The following KCNK9 variants were observed in gnomAD, a reference collection of about 807,000 sequenced individuals.
The protein encoded by KCNK9 is potassium channel subfamily K member 9.
In KCNK9, 1 loss-of-function variant was observed where a neutral mutation model predicts 10.8. The observed-to-expected ratio is 0.09, with a 90% CI of 0.03 to 0.44. KCNK9 has a LOEUF of 0.44. KCNK9 is among the 20% of genes least tolerant of loss of function. The pLI is 0.97. For synonymous variants in KCNK9, 231 were observed against 222.7 expected (o/e 1.04, Z -0.33); for missense variants, 303 against 515.0 (o/e 0.59, Z 3.98).
At chr8:139,647,321 AG>A (rs1212100188) in intron 1 of KCNK9, among the ~76,000 whole-genome samples, 2 of 152,206 alleles carry the variant, frequency 1.3e-5, no homozygotes, top group African/African-American at 4.8e-5. Flanking sequence ...ATCTTCATTC[AG>A]CCATTCAACA....
intron 1 of KCNK9, among the ~76,000 whole-genome samples, chr8:139,676,806 G>A (rs1427067888): frequency 6.6e-6 from 1 of 152,112 alleles, no homozygotes; most frequent in Non-Finnish European, 1.5e-5. Context: ...AAAAAAATTA[G>A]CTGAGTGTGG....
At chr8:139,632,765 T>C (rs1014943950) in intron 1 of KCNK9, among the ~76,000 whole-genome samples, 49 of 152,074 alleles carry the variant, frequency 3.2e-4, no homozygotes, top group Non-Finnish European at 3.1e-4. Context: ...AGTGACCAGC[T>C]AGAGCAGAGC....
intron 1 of KCNK9, among the ~76,000 whole-genome samples, chr8:139,658,469 C>T (rs554779529): frequency 1.3e-5 from 2 of 152,322 alleles, no homozygotes; most frequent in Admixed American, 6.5e-5. Flanking sequence ...ACACGGGTCA[C>T]GCCTGACTTC....
At chr8:139,697,347 TTGGATGGATGGATGGA>T (rs75812728) in intron 1 of KCNK9, among the ~76,000 whole-genome samples, 143 of 143,786 alleles carry the variant, frequency 9.9e-4, no homozygotes, top group African/African-American at 3.0e-3. Context: ...GAGTGGATGG[TTGGATGGATGGATGGA>T]TGGATGGATG....
intron 1 of KCNK9, among the ~76,000 whole-genome samples, chr8:139,682,400 G>C (rs1816709277): frequency 6.6e-6 from 1 of 152,202 alleles, no homozygotes; most frequent in Non-Finnish European, 1.5e-5. Flanking sequence ...GGAAAGAGCT[G>C]AGCACGACAC....
In KCNK9 at chr8:139,687,517, C is replaced by CATATATTCATATATATGTATACAT. The variant is rs1386536443; in HGVS notation, c.283+15192_283+15193insATGTATACATATATATGAATATAT. On this transcript the variant is annotated intron_variant, in intron 1 of 1. Coordinates refer to ENST00000520439, the MANE Select transcript of KCNK9 (RefSeq NM_001282534.2). ...ACATATATACATATATATGTATACA[C>CATATATTCATATATATGTATACAT]ATATATTCATATATATGTATACACA... 9.4e-5 allele frequency among the ~76,000 whole-genome samples: 12 copies of CATATATTCATATATATGTATACAT among 127,052 alleles called. 2 individuals carry two copies. The highest frequency in any genetic ancestry group is 3.7e-4 in the African/African-American group (12 of 32,380). 83.4% of individuals were successfully genotyped at this position (127,052 alleles called of 152,430 possible). A position where few individuals can be genotyped will look rare whatever the true frequency, so the allele number is the denominator to read the frequency against.
At chr8:139,637,303 C>A (rs373225459) in intron 1 of KCNK9, among the ~76,000 whole-genome samples, 1 of 152,228 alleles carries the variant, frequency 6.6e-6, no homozygotes, top group Admixed American at 6.5e-5. Flanking sequence ...TTAAGGACAT[C>A]TGTCCAGTCA....
At chr8:139,634,849 C>G (rs997840734) in intron 1 of KCNK9, among the ~76,000 whole-genome samples, 3 of 152,142 alleles carry the variant, frequency 2.0e-5, no homozygotes, top group Non-Finnish European at 2.9e-5. Flanking sequence ...TGAGAGCCTC[C>G]GTGAGGGGAC....
intron 1 of KCNK9, among the ~76,000 whole-genome samples, chr8:139,672,710 C>G (rs1038418880): frequency 4.6e-5 from 7 of 152,198 alleles, no homozygotes; most frequent in African/African-American, 1.2e-4. Context: ...AGGCTTGGGG[C>G]CAAGAACTGG....
chr8:139,665,290 C>T (rs1297026661), intron 1 of KCNK9, among the ~76,000 whole-genome samples: 1 of 152,174 alleles, frequency 6.6e-6, no homozygotes, highest in Middle Eastern at 3.2e-3. Flanking sequence ...TGGCCCCTTC[C>T]CCTGTCTTCA....
intron 1 of KCNK9, among the ~76,000 whole-genome samples, chr8:139,620,048 C>A (rs1027134356): frequency 3.9e-5 from 6 of 152,188 alleles, no homozygotes; most frequent in Non-Finnish European, 8.8e-5. Context: ...TATTTCCTCA[C>A]ATTCGAAATG....
In KCNK9 at chr8:139,702,622, C is replaced by T. The variant is rs1030656712; in HGVS notation, c.283+88G>A. The T allele has an allele frequency of 2.9e-6, 4 of 1,386,070 alleles. No individual in the cohort carries two copies. The highest frequency in any genetic ancestry group is 1.4e-5 in the African/African-American group (1 of 69,808). 85.9% of individuals were successfully genotyped at this position (1,386,070 alleles called of 1,614,324 possible). On this transcript the variant is annotated intron_variant, in intron 1 of 1. Coordinates refer to ENST00000520439, the MANE Select transcript of KCNK9 (RefSeq NM_001282534.2). The surrounding 1 kb of genome is among the most constrained non-coding windows in gnomAD (Gnocchi z 7.5). ...GGGAGGCTGCGTTTAACCCTCGACGCCCTGCACCCAGCCCGGCGCGGCGCG... is the reference window on the plus strand; with the variant it reads ...GGGAGGCTGCGTTTAACCCTCGACGTCCTGCACCCAGCCCGGCGCGGCGCG...
downstream of KCNK9, among the ~76,000 whole-genome samples, chr8:139,609,246 ACC>A (rs1220786453): frequency 1.0e-4 from 10 of 98,048 alleles, no homozygotes; most frequent in African/African-American, 3.6e-4. Flanking sequence ...CTGCCCCCCC[ACC>A]CCCCCCCCAC....
At chr8:139,638,554 G>T (rs1815404274) in intron 1 of KCNK9, among the ~76,000 whole-genome samples, 1 of 152,192 alleles carries the variant, frequency 6.6e-6, no homozygotes, top group Admixed American at 6.5e-5. Flanking sequence ...TGAGGAGAGG[G>T]GCACACGGGC....
At chr8:139,680,625 A>G (rs1816667536) in intron 1 of KCNK9, among the ~76,000 whole-genome samples, 1 of 152,106 alleles carries the variant, frequency 6.6e-6, no homozygotes, top group Non-Finnish European at 1.5e-5. Flanking sequence ...GTGAGTGCTC[A>G]TGGCGTTGGG....
At chr8:139,645,037 C>T (rs1815632384) in intron 1 of KCNK9, among the ~76,000 whole-genome samples, 1 of 152,216 alleles carries the variant, frequency 6.6e-6, no homozygotes, top group South Asian at 2.1e-4. Context: ...TGGTGTCAGA[C>T]CCACGCACGG....
intron 1 of KCNK9, among the ~76,000 whole-genome samples, chr8:139,674,614 G>A (rs1332376126): frequency 6.6e-6 from 1 of 152,160 alleles, no homozygotes; most frequent in African/African-American, 2.4e-5. Context: ...AAGACCTCAG[G>A]ACCCCAGCCC....
chr8:139,652,561 G>C (rs189081459), intron 1 of KCNK9, among the ~76,000 whole-genome samples: 11 of 152,320 alleles, frequency 7.2e-5, no homozygotes, highest in Admixed American at 1.3e-4. Context: ...TCTGGGGGCG[G>C]GGGCCGCCAG....
chr8:139,653,639 C>T (rs1469897053), intron 1 of KCNK9, among the ~76,000 whole-genome samples: 2 of 152,210 alleles, frequency 1.3e-5, no homozygotes, highest in Non-Finnish European at 2.9e-5. Context: ...GGGCCTGGAG[C>T]TGGTTCCCAC....
Sources: allele counts gnomAD v4.1 joint callset (sites outside exome capture counted in the v4.1 genomes callset), GRCh38; gene constraint gnomAD v4.1.1; non-coding constraint Gnocchi (gnomAD v3.1); transcripts MANE v1.5; gene names NCBI Gene and HGNC (gene_info 2026-07-23, HGNC 2026-07-21).